The following BABAM2 variants were observed in gnomAD, a reference collection of about 807,000 sequenced individuals.
BABAM2 encodes the protein BRISC and BRCA1 A complex member 2.
BABAM2 carries 31 observed loss-of-function variants against 54.7 expected under a neutral mutation model. The ratio of observed to expected loss-of-function variants is 0.57; its 90% CI spans 0.43 to 0.77. The LOEUF (loss-of-function observed/expected upper bound fraction) is 0.77. Ranked by LOEUF, BABAM2 falls within the 30% of genes least tolerant of loss-of-function variation. BABAM2 has a pLI of 0.00. For synonymous variants in BABAM2, 167 were observed against 162.9 expected (o/e 1.03, Z -0.19); for missense variants, 364 against 455.8 (o/e 0.80, Z 1.83).
intron 6 of BABAM2, among the ~76,000 whole-genome samples, chr2:28,047,790 A>G (rs749009431): frequency 8.5e-5 from 13 of 152,210 alleles, no homozygotes; most frequent in Admixed American, 2.6e-4. Context: ...TTTAAAGTTC[A>G]TGCAAAAAGA....
At chr2:28,169,496 G>A (rs191373229) in intron 7 of BABAM2, among the ~76,000 whole-genome samples, 38 of 152,092 alleles carry the variant, frequency 2.5e-4, no homozygotes, top group African/African-American at 8.7e-4. Flanking sequence ...AAATATCCAG[G>A]CCAGGTGGGG....
intron 7 of BABAM2, among the ~76,000 whole-genome samples, chr2:28,195,018 A>T (rs1488100845): frequency 6.6e-6 from 1 of 152,222 alleles, no homozygotes; most frequent in Non-Finnish European, 1.5e-5. Flanking sequence ...TTAAATGGGG[A>T]TCATATACCA....
Position 28,333,730 on chromosome 2 carries a change from A to G in BABAM2, c.1089-4720A>G, listed in dbSNP as rs142283255. On this transcript the variant is annotated intron_variant, in intron 11 of 11. Coordinates refer to ENST00000379624, the MANE Select transcript of BABAM2 (RefSeq NM_199191.3). ...ATTCCCTTACAGTGTGCATTCAGTG[A>G]GGAGCTTGACACTCAGGGCCCTCTC... is the stretch of plus-strand genomic sequence containing the variant. Among the ~76,000 whole-genome samples the G allele has an allele frequency of 3.3e-5, 5 of 152,360 alleles. No homozygotes were observed. The East Asian group carries it at 9.6e-4, about 29-fold the overall frequency.
intron 10 of BABAM2, among the ~76,000 whole-genome samples, chr2:28,266,145 C>G (rs956080590): frequency 6.6e-6 from 1 of 152,056 alleles, no homozygotes; most frequent in Non-Finnish European, 1.5e-5. Context: ...CCACCACGCT[C>G]GGCTAAGTTT....
At chr2:28,220,089 A>G (rs544268193) in intron 7 of BABAM2, among the ~76,000 whole-genome samples, 4 of 152,282 alleles carry the variant, frequency 2.6e-5, no homozygotes, top group South Asian at 4.1e-4. Flanking sequence ...TTGTGTGGTA[A>G]GATTGGATCT....
chr2:28,329,295 C>A lies in BABAM2; in HGVS notation c.1089-9155C>A, dbSNP rs981029524. ...CTCGGGGCTCTGCAGCGTTCACTAA[C>A]CCTACCCCATTTGTATAAAACTATG... On this transcript the variant is annotated intron_variant, in intron 11 of 11. Coordinates refer to ENST00000379624, the MANE Select transcript of BABAM2 (RefSeq NM_199191.3). The surrounding 1 kb of genome is among the most constrained non-coding windows in gnomAD (Gnocchi z 4.2). 6.6e-6 allele frequency among the ~76,000 whole-genome samples: 1 copy of A among 152,334 alleles called. No homozygotes were observed. The highest frequency in any genetic ancestry group is 1.5e-5 in the Non-Finnish European group (1 of 68,028).
At chr2:28,016,024 TC>T in intron 4 of BABAM2, 1 of 633,338 alleles carries the variant, frequency 1.6e-6, no homozygotes, top group Non-Finnish European at 2.9e-6. Context: ...TTTTAAATTA[TC>T]CTTACTGTCT....
In BABAM2 at chr2:28,025,237, C is replaced by CT. The variant is rs752489205; in HGVS notation, c.313dup (p.Trp105LeufsTer7). ...TACGACTTCTACAGAATCTTGCCTC[C>CT]TGGAATCCTTCAAATCCTGAATGTC... On this transcript the variant is annotated frameshift_variant, in exon 5 of 12. Transcript: ENST00000379624. LOFTEE classifies it high-confidence loss of function. 6.3e-7 allele frequency: 1 copy of CT among 1,589,768 alleles called. No individual in the cohort carries two copies. The highest frequency in any genetic ancestry group is 1.2e-5 in the South Asian group (1 of 85,926).
chr2:28,238,228 G>A (rs1682097260), intron 8 of BABAM2, among the ~76,000 whole-genome samples: 1 of 152,214 alleles, frequency 6.6e-6, no homozygotes, highest in Admixed American at 6.5e-5. Flanking sequence ...TTAGCAAGTA[G>A]CTGAGTCTAA....
intron 3 of BABAM2, among the ~76,000 whole-genome samples, chr2:27,962,991 A>T (rs17006398): frequency 0.012 from 1,809 of 152,326 alleles, 32 homozygotes; most frequent in African/African-American, 0.041. Context: ...GTTTTATGGT[A>T]CTGAAAGGAG....
At chr2:28,166,550 C>G (rs1366708743) in intron 7 of BABAM2, among the ~76,000 whole-genome samples, 1 of 152,022 alleles carries the variant, frequency 6.6e-6, no homozygotes, top group East Asian at 1.9e-4. Flanking sequence ...TACCTTCTGG[C>G]CTTTGATTGG....
chr2:28,324,694 C>G (rs1690301962), intron 11 of BABAM2, among the ~76,000 whole-genome samples: 1 of 151,924 alleles, frequency 6.6e-6, no homozygotes, highest in African/African-American at 2.4e-5. Flanking sequence ...ACTCGGGAGG[C>G]TGAGGCAGGA....
chr2:28,323,910 G>A (rs1055986850), intron 11 of BABAM2, among the ~76,000 whole-genome samples: 6 of 152,106 alleles, frequency 3.9e-5, no homozygotes, highest in African/African-American at 1.4e-4. Flanking sequence ...TCTTCATTAG[G>A]GTGCCCCAGC....
At chr2:28,100,887 T>C (rs1360053435) in intron 6 of BABAM2, among the ~76,000 whole-genome samples, 4 of 152,142 alleles carry the variant, frequency 2.6e-5, no homozygotes, top group African/African-American at 9.7e-5. Flanking sequence ...AGGTACTCAT[T>C]CATCATGGTC....
rs1677586551 is a variant in BABAM2 at position 28,196,648 on chromosome 2, G to T, written c.681-40554G>T. Reference sequence around the variant, plus strand: ...ACTTGAGGCCAGGAGTTTGAGACCAGCCTTGGCAACATAGCAAGACCCTAT... The same window carrying T: ...ACTTGAGGCCAGGAGTTTGAGACCATCCTTGGCAACATAGCAAGACCCTAT... On this transcript the variant is annotated intron_variant, in intron 7 of 11. Transcript: ENST00000379624. Among the ~76,000 whole-genome samples, 4 of 152,128 alleles carry T rather than the reference G, an allele frequency of 2.6e-5. No individual in the cohort carries two copies. The South Asian group carries it at 8.3e-4, about 32-fold the overall frequency.
Position 28,112,133 on chromosome 2 carries a change from CTTTCTTTCTTTCTTTA to C in BABAM2, c.571-17137_571-17122del, listed in dbSNP as rs1301811247. The stretch of plus-strand genomic sequence containing the variant: ...TCTTTCTTTCTTTCTTTCTTTCTTT[CTTTCTTTCTTTCTTTA>C]CCTCCCTCCCTCCCTCCCTCCCTCC... On this transcript the variant is annotated intron_variant, in intron 6 of 11. Transcript: ENST00000379624. Among the ~76,000 whole-genome samples, 66 of 16,630 alleles carry C rather than the reference CTTTCTTTCTTTCTTTA, an allele frequency of 4.0e-3. 1 individual carries two copies. The highest frequency in any genetic ancestry group is 5.1e-3 in the African/African-American group (19 of 3,752). 10.9% of individuals were successfully genotyped at this position (16,630 alleles called of 152,430 possible).
chr2:28,026,784 T>C (rs1295036396), intron 5 of BABAM2, among the ~76,000 whole-genome samples: 2 of 98,160 alleles, frequency 2.0e-5, no homozygotes, highest in Non-Finnish European at 4.0e-5. Flanking sequence ...TAAAAAAATA[T>C]AAATATATAT....
At chr2:28,204,180 T>C (rs1435232828) in intron 7 of BABAM2, among the ~76,000 whole-genome samples, 1 of 152,254 alleles carries the variant, frequency 6.6e-6, no homozygotes, top group East Asian at 1.9e-4. Flanking sequence ...TGTTATTATC[T>C]TTTCCCTATA....
intron 10 of BABAM2, among the ~76,000 whole-genome samples, chr2:28,266,090 T>C (rs773322513): frequency 1.3e-5 from 2 of 152,146 alleles, no homozygotes; most frequent in African/African-American, 4.8e-5. Context: ...ATTCAAGTGA[T>C]TCTCATGCCT....
Sources: gnomAD v4.1 joint callset for allele counts (sites outside exome capture counted in the v4.1 genomes callset) on GRCh38, gnomAD v4.1.1 for gene constraint, Gnocchi (gnomAD v3.1) non-coding constraint, MANE v1.5 for transcripts, NCBI Gene and HGNC (gene_info 2026-07-23, HGNC 2026-07-21) for gene names.